The following MED12L variants were observed in gnomAD, a reference collection of about 807,000 sequenced individuals.
The protein encoded by MED12L is mediator of RNA polymerase II transcription subunit 12-like protein.
A neutral mutation model predicts 281.3 loss-of-function variants in MED12L; 60 were observed. The ratio of observed to expected loss-of-function variants is 0.21; its 90% CI spans 0.17 to 0.26. The LOEUF is 0.26. Among genes scored for constraint, MED12L ranks in the 10% least tolerant of loss-of-function variants. The pLI, the probability that MED12L is intolerant of heterozygous loss-of-function variation, is 1.00. For synonymous variants in MED12L, 974 were observed against 987.2 expected, an observed-to-expected ratio of 0.99 and a Z score of 0.25; for missense variants, 2,146 against 2,680.9, an observed-to-expected ratio of 0.80 and a Z score of 4.41.
chr3:151,144,461 AC>A (rs1240594611), intron 5 of MED12L, among the ~76,000 whole-genome samples: 1 of 152,088 alleles, frequency 6.6e-6, no homozygotes. Flanking sequence ...GCAGTACAAG[AC>A]TTTTGTGCTC....
At chr3:151,308,129 T>A (rs1045646082) in intron 16 of MED12L, among the ~76,000 whole-genome samples, 1 of 152,198 alleles carries the variant, frequency 6.6e-6, no homozygotes, top group African/African-American at 2.4e-5. Context: ...TCATGGCAAG[T>A]ATACTTTGCT....
At chr3:151,200,515 T>C (rs1469318826) in intron 16 of MED12L, among the ~76,000 whole-genome samples, 1 of 152,262 alleles carries the variant, frequency 6.6e-6, no homozygotes, top group Admixed American at 6.5e-5. Flanking sequence ...TCAGCTACTC[T>C]GTAAGTGCCT....
intron 39 of MED12L, among the ~76,000 whole-genome samples, chr3:151,399,557 A>G (rs1002253454): frequency 1.3e-5 from 2 of 152,194 alleles, no homozygotes; most frequent in Non-Finnish European, 2.9e-5. Flanking sequence ...TTCTTTAAAT[A>G]CTGTGATACT....
rs775057040 is a variant in MED12L, at chr3:151,366,043, TAGTG to T, written c.3327+53_3327+56del. On this transcript the variant is annotated intron_variant, in intron 23 of 44. Transcript: ENST00000687756. ...TGAACTGTGCAATTAAATATTTAGT[TAGTG>T]GGTAATCTTTTTGCTTTTGGCTTTT... 1.2e-5 allele frequency: 16 copies of T among 1,378,134 alleles called. No individual in the cohort carries two copies. The East Asian group carries it at 1.5e-4, about 13-fold the overall frequency. The allele number at this position is 1,378,134 out of a possible 1,614,324, so 85.4% of individuals were successfully genotyped here. A position where few individuals can be genotyped will look rare whatever the true frequency, so the allele number is the denominator to read the frequency against.
At chr3:151,244,896 A>G (rs1186302250) in intron 16 of MED12L, among the ~76,000 whole-genome samples, 1 of 151,322 alleles carries the variant, frequency 6.6e-6, no homozygotes, top group Non-Finnish European at 1.5e-5. Context: ...AAAAAAAGAG[A>G]GAAGAATCTA....
intron 16 of MED12L, among the ~76,000 whole-genome samples, chr3:151,229,395 C>G (rs1293051396): frequency 6.7e-6 from 1 of 150,370 alleles, no homozygotes; most frequent in Non-Finnish European, 1.5e-5. Context: ...GCAACCTCGC[C>G]TCCCGGGTTC....
chr3:151,193,770 G>C, intron 16 of MED12L, 104 bp downstream of exon 16: 1 of 1,061,048 alleles, frequency 9.4e-7, no homozygotes. Context: ...AATAATGATA[G>C]CAGGTGAGTT....
chr3:151,244,924 T>G (rs545022452), intron 16 of MED12L, among the ~76,000 whole-genome samples: 1 of 152,116 alleles, frequency 6.6e-6, no homozygotes, highest in East Asian at 1.9e-4. Flanking sequence ...CAATAAAAAA[T>G]GATAAAGGGG....
At chr3:151,371,408 A>G (rs1406787032) in intron 26 of MED12L, among the ~76,000 whole-genome samples, 1 of 152,222 alleles carries the variant, frequency 6.6e-6, no homozygotes, top group Admixed American at 6.5e-5. Context: ...GAAGTGATCT[A>G]TTAAATGAAA....
Position 151,419,442 on chromosome 3 carries a change from T to G in MED12L, c.6408+3020T>G, listed in dbSNP as rs184610362. Among the ~76,000 whole-genome samples the G allele has an allele frequency of 2.5e-4, 38 of 152,266 alleles. 1 individual carries two copies. The East Asian group carries it at 7.3e-3, about 29-fold the overall frequency. On this transcript the variant is annotated intron_variant, in intron 43 of 44. Coordinates refer to ENST00000687756, the MANE Select transcript of MED12L (RefSeq NM_001393769.1). ...GCTAGGCCAGTCTCTCCTGTTCATG[T>G]TTTTCTGCCTGCTTTATATTCGCTG... is the stretch of plus-strand genomic sequence containing the variant.
chr3:151,145,273 T>G (rs1328124447), intron 5 of MED12L, among the ~76,000 whole-genome samples: 1 of 152,162 alleles, frequency 6.6e-6, no homozygotes, highest in Non-Finnish European at 1.5e-5. Context: ...AGAGGGCCAG[T>G]GCACAGCGAG....
chr3:151,295,328 A>G lies in MED12L; in HGVS notation c.2251-54731A>G, dbSNP rs982194545. On this transcript the variant is annotated intron_variant, in intron 16 of 44. Coordinates refer to ENST00000687756, the MANE Select transcript of MED12L (RefSeq NM_001393769.1). ...TCAGGTGAACTTAAAGATGTCATCA[A>G]TGATTTACAGAGTCAAGGTAGCACA... is the stretch of plus-strand genomic sequence containing the variant. The G allele has an allele frequency of 9.0e-6, 6 of 663,016 alleles. No homozygotes were observed. In the Admixed American group the frequency reaches 1.3e-4, roughly 14 times the overall value. The allele number at this position is 663,016 out of a possible 1,614,324, so 41.1% of individuals were successfully genotyped here. A position where few individuals can be genotyped will look rare whatever the true frequency, so the allele number is the denominator to read the frequency against.
chr3:151,416,255 C>T, intron 42 of MED12L, 57 bp from the exon 43 acceptor site: 1 of 1,611,992 alleles, frequency 6.2e-7, no homozygotes, highest in Non-Finnish European at 8.5e-7. Context: ...GAAACAGATT[C>T]AGCAATGCTG....
intron 16 of MED12L, among the ~76,000 whole-genome samples, chr3:151,346,614 C>G (rs1316962657): frequency 6.6e-6 from 1 of 152,038 alleles, no homozygotes; most frequent in Non-Finnish European, 1.5e-5. Flanking sequence ...CTTATGTATC[C>G]CCTCCCCTGA....
At chr3:151,118,466 G>A (rs1252728729) in intron 3 of MED12L, among the ~76,000 whole-genome samples, 1 of 151,818 alleles carries the variant, frequency 6.6e-6, no homozygotes, top group Non-Finnish European at 1.5e-5. Context: ...TTCAATCTTG[G>A]TACAATTTTT....
At chr3:151,371,934 T>C (rs559376803) in intron 26 of MED12L, among the ~76,000 whole-genome samples, 131 of 152,330 alleles carry the variant, frequency 8.6e-4, no homozygotes, top group African/African-American at 3.1e-3. Context: ...TCACTAAGTA[T>C]ACTAAAGATT....
At chr3:151,195,167 T>C (rs546136527) in intron 16 of MED12L, among the ~76,000 whole-genome samples, 1 of 152,044 alleles carries the variant, frequency 6.6e-6, no homozygotes, top group African/African-American at 2.4e-5. Context: ...TGTCTCAAAA[T>C]AGAAAAAGTA....
At chr3:151,341,767 C>T (rs1375636089) in intron 16 of MED12L, among the ~76,000 whole-genome samples, 1 of 150,918 alleles carries the variant, frequency 6.6e-6, no homozygotes, top group Admixed American at 6.6e-5. Flanking sequence ...GTAGTGTTTC[C>T]CTTCCTGTGT....
At chr3:151,427,570 T>G (rs1719014009) in intron 43 of MED12L, among the ~76,000 whole-genome samples, 1 of 152,198 alleles carries the variant, frequency 6.6e-6, no homozygotes, top group Non-Finnish European at 1.5e-5. Context: ...CAGCTATGTG[T>G]TTGTTGAGTG....
Sources: gnomAD v4.1 joint callset for allele counts (sites outside exome capture counted in the v4.1 genomes callset) on GRCh38, gnomAD v4.1.1 for gene constraint, MANE v1.5 for transcripts, NCBI Gene and HGNC (gene_info 2026-07-23, HGNC 2026-07-21) for gene names.